PCCB: variants seen among roughly 807,000 people sequenced by gnomAD.
PCCB encodes the protein propionyl-CoA carboxylase beta chain, mitochondrial.
A neutral mutation model predicts 60.7 loss-of-function variants in PCCB; 43 were observed. The ratio of observed to expected loss-of-function variants is 0.71; its 90% confidence interval spans 0.55 to 0.91. The LOEUF is 0.91. Ranked by LOEUF, PCCB falls within the 40% of genes least tolerant of loss-of-function variation. The pLI is 0.00. For synonymous variants in PCCB, 276 were observed against 255.9 expected, an observed-to-expected ratio of 1.08 and a Z score of -0.75; for missense variants, 766 against 702.8, an observed-to-expected ratio of 1.09 and a Z score of -1.02.
chr3:136,295,911 A>G (rs1342835064), intron 7 of PCCB, among the ~76,000 whole-genome samples: 1 of 151,806 alleles, frequency 6.6e-6, no homozygotes, highest in Non-Finnish European at 1.5e-5. Flanking sequence ...CTGTAGCACA[A>G]TCTCAAGTAC....
intron 6 of PCCB, among the ~76,000 whole-genome samples, chr3:136,288,602 C>A (rs1933532449): frequency 6.6e-6 from 1 of 151,008 alleles, no homozygotes; most frequent in Admixed American, 6.6e-5. Context: ...GTCCTCCCTC[C>A]CAAAGTGCTG....
intron 5 of PCCB, among the ~76,000 whole-genome samples, chr3:136,272,934 A>G (rs1166717194): frequency 6.6e-6 from 1 of 152,064 alleles, no homozygotes; most frequent in Non-Finnish European, 1.5e-5. Context: ...GTTCTTTCAG[A>G]CTTTTTGATG....
intron 5 of PCCB, among the ~76,000 whole-genome samples, chr3:136,266,797 C>G (rs918173452): frequency 7.2e-5 from 11 of 152,150 alleles, no homozygotes; most frequent in African/African-American, 2.7e-4. Flanking sequence ...ATTCTGGATA[C>G]AAGTCCTTTA....
intron 1 of PCCB, chr3:136,251,320 C>T (rs1941509402): frequency 4.4e-6 from 2 of 456,586 alleles, no homozygotes; most frequent in South Asian, 1.5e-5. Flanking sequence ...ACCAGGCTTG[C>T]CCAGTGTGTC....
intron 1 of PCCB, among the ~76,000 whole-genome samples, chr3:136,253,604 C>CT (rs1941585787): frequency 6.6e-6 from 1 of 151,276 alleles, no homozygotes; most frequent in African/African-American, 2.4e-5. Flanking sequence ...AGGCTGGTCT[C>CT]TAACTTTTGA....
intron 9 of PCCB, among the ~76,000 whole-genome samples, chr3:136,314,570 G>A (rs1185872577): frequency 1.3e-5 from 2 of 152,090 alleles, no homozygotes; most frequent in East Asian, 1.9e-4. Flanking sequence ...TGGGAAGATC[G>A]CTTGAGCCTG....
At chr3:136,253,999 A>G (rs1470036167) in intron 1 of PCCB, among the ~76,000 whole-genome samples, 1 of 151,936 alleles carries the variant, frequency 6.6e-6, no homozygotes, top group Non-Finnish European at 1.5e-5. Context: ...TTGGTTTCCT[A>G]AAAACTTATT....
chr3:136,314,271 A>G (rs1934791038), intron 9 of PCCB, among the ~76,000 whole-genome samples: 1 of 152,336 alleles, frequency 6.6e-6, no homozygotes, highest in African/African-American at 2.4e-5. Flanking sequence ...TAATCCATAG[A>G]ATAAAACAAT....
At chr3:136,276,115 C>T (rs903364825) in intron 5 of PCCB, among the ~76,000 whole-genome samples, 2 of 152,146 alleles carry the variant, frequency 1.3e-5, no homozygotes, top group Non-Finnish European at 2.9e-5. Context: ...AGTTCACTGT[C>T]TCCTATGGGG....
At chr3:136,265,278 T>A (rs1477693652) in intron 5 of PCCB, among the ~76,000 whole-genome samples, 12 of 152,254 alleles carry the variant, frequency 7.9e-5, no homozygotes, top group Admixed American at 7.9e-4. Flanking sequence ...AATTTTAAAT[T>A]AATTTTTAGA....
intron 8 of PCCB, among the ~76,000 whole-genome samples, chr3:136,299,135 G>A (rs1331032138): frequency 6.6e-6 from 1 of 152,018 alleles, no homozygotes; most frequent in Non-Finnish European, 1.5e-5. Flanking sequence ...AGAAATGTCT[G>A]CATAGCCCGC....
chr3:136,258,901 C>T (rs1482676341), intron 3 of PCCB, among the ~76,000 whole-genome samples: 1 of 151,954 alleles, frequency 6.6e-6, no homozygotes, highest in Non-Finnish European at 1.5e-5. Context: ...ACCCCCACTG[C>T]AGGTGTGTAA....
At chr3:136,297,596 A>G (rs886711104) in intron 7 of PCCB, among the ~76,000 whole-genome samples, 1 of 152,196 alleles carries the variant, frequency 6.6e-6, no homozygotes, top group African/African-American at 2.4e-5. Context: ...AAACAGGGAA[A>G]TAGGTGATGC....
intron 9 of PCCB, among the ~76,000 whole-genome samples, chr3:136,311,549 A>T (rs1190962248): frequency 6.6e-6 from 1 of 151,986 alleles, no homozygotes; most frequent in East Asian, 2.0e-4. Context: ...TATGTTGCCC[A>T]GGCTGGTCTC....
intron 5 of PCCB, among the ~76,000 whole-genome samples, chr3:136,269,992 T>TG (rs1309180601): frequency 2.7e-4 from 40 of 148,030 alleles, no homozygotes; most frequent in African/African-American, 7.3e-4. Flanking sequence ...AACTGGTGTG[T>TG]GTTTTTTTTT....
intron 9 of PCCB, among the ~76,000 whole-genome samples, chr3:136,309,924 G>C (rs975166688): frequency 2.6e-5 from 4 of 151,794 alleles, no homozygotes; most frequent in Non-Finnish European, 5.9e-5. Context: ...TCCACGGAAG[G>C]AATTACTTCA....
chr3:136,266,211 C>T (rs892492037), intron 5 of PCCB, among the ~76,000 whole-genome samples: 15 of 151,758 alleles, frequency 9.9e-5, no homozygotes, highest in South Asian at 2.1e-4. Flanking sequence ...TCACTGTAAC[C>T]TCTGCCTCCC....
At chr3:136,257,155 TG>T (rs1357193697) in intron 3 of PCCB, among the ~76,000 whole-genome samples, 2 of 152,226 alleles carry the variant, frequency 1.3e-5, no homozygotes, top group Non-Finnish European at 2.9e-5. Context: ...GTTAATCAGC[TG>T]GCCTTGCAAT....
chr3:136,322,154 T>C (rs1378090323), intron 10 of PCCB, among the ~76,000 whole-genome samples: 1 of 152,214 alleles, frequency 6.6e-6, no homozygotes, highest in Non-Finnish European at 1.5e-5. Context: ...ACCTAGTTTA[T>C]TGAGAGTTTT....
Sources: gnomAD v4.1 joint callset for allele counts (sites outside exome capture counted in the v4.1 genomes callset) on GRCh38, gnomAD v4.1.1 for gene constraint, MANE v1.5 for transcripts, NCBI Gene and HGNC (gene_info 2026-07-23, HGNC 2026-07-21) for gene names.